Variants in ZGRF1 observed in about 807,000 individuals in gnomAD.
ZGRF1 encodes the protein zinc finger GRF-type containing 1.
ZGRF1 carries 196 observed loss-of-function variants against 203.5 expected under a neutral mutation model. The observed-to-expected ratio is 0.96, with a 90% confidence interval of 0.86 to 1.08. The LOEUF (loss-of-function observed/expected upper bound fraction) is 1.08. ZGRF1 is among the 50% of genes least tolerant of loss of function. The pLI, the probability that ZGRF1 is intolerant of heterozygous loss-of-function variation, is 0.00. For synonymous variants in ZGRF1, 809 were observed against 841.3 expected (o/e 0.96, Z 0.66); for missense variants, 2,326 against 2,416.3 (o/e 0.96, Z 0.78).
At position 112,617,895 on chromosome 4, in the gene ZGRF1, A is replaced by T; in HGVS notation, c.2147T>A (p.Leu716Ter). ...SEDAQPQPFI[L>*]GSDLDKNDEH... ...ATCATTTTTGTCTAAGTCACTTCCCAAAATAAAAGGCTGAGGTTGAGCATC... is the reference window on the plus strand; with the variant it reads ...ATCATTTTTGTCTAAGTCACTTCCCTAAATAAAAGGCTGAGGTTGAGCATC... The change falls in exon 6 of 28, where the codon TTG becomes TAG. Residue 716 changes from leucine (L) to a stop codon, truncating the protein, a stop_gained. Transcript: ENST00000505019. LOFTEE classifies it high-confidence loss of function. The T allele has an allele frequency of 6.2e-7, 1 of 1,613,954 alleles. No homozygotes were observed. Among genetic ancestry groups the T allele is most frequent in the Non-Finnish European group, 8.5e-7 (1 of 1,179,954 alleles).
chr4:112,582,202 GT>G (rs1458308501), intron 15 of ZGRF1, among the ~76,000 whole-genome samples: 2 of 151,672 alleles, frequency 1.3e-5, no homozygotes, highest in Non-Finnish European at 2.9e-5. Context: ...TCTTTTCTTT[GT>G]GTTGGGAACA....
rs750197445 is a variant in ZGRF1 at position 112,540,961 on chromosome 4, G to T, written c.5776-6C>A. 11 of 1,563,054 alleles carry T rather than the reference G, an allele frequency of 7.0e-6. No individual in the cohort carries two copies. The South Asian group carries it at 1.2e-4, about 17-fold the overall frequency. On this transcript the variant is annotated splice_region_variant and splice_polypyrimidine_tract_variant and intron_variant, in intron 25 of 27. Transcript: ENST00000505019. ...AAGCTGTTATCTCTTTCTATCTGGA[G>T]TAAGAAATAGATCCTAAATTATATT...
intron 6 of ZGRF1, among the ~76,000 whole-genome samples, chr4:112,614,714 C>G (rs927362241): frequency 2.6e-5 from 4 of 152,104 alleles, no homozygotes; most frequent in African/African-American, 9.7e-5. Flanking sequence ...GTAGTCCCAG[C>G]TATTTGGGAG....
At chr4:112,623,681 G>A (rs2047136092) in intron 4 of ZGRF1, 136 bp downstream of exon 4, 2 of 589,312 alleles carry the variant, frequency 3.4e-6, no homozygotes, top group Non-Finnish European at 6.0e-6. Flanking sequence ...AAAGGTTTTA[G>A]CACAAAGTCT....
rs768669229 is a variant in ZGRF1, at chr4:112,539,688, TC to T, written c.6173del (p.Gly2058GlufsTer16). The stretch of plus-strand genomic sequence containing the variant: ...TTGCATGTTGCAATCCATCTTCCCT[TC>T]CTTAAAAAAACATACGACATGAGAC... ...LWGRVIQHCE[G>X]REDGLQHANQ... On this transcript the variant is annotated frameshift_variant and splice_region_variant, in exon 28 of 28. Coordinates refer to ENST00000505019, the MANE Select transcript of ZGRF1 (RefSeq NM_018392.5). LOFTEE classifies it high-confidence loss of function. 6.3e-7 allele frequency: 1 copy of T among 1,591,076 alleles called. No homozygotes were observed. Among genetic ancestry groups the T allele is most frequent in the South Asian group, 1.2e-5 (1 of 86,522 alleles).
At chr4:112,612,837 A>G (rs1389917407) in intron 6 of ZGRF1, among the ~76,000 whole-genome samples, 2 of 152,188 alleles carry the variant, frequency 1.3e-5, no homozygotes, top group African/African-American at 4.8e-5. Flanking sequence ...TTCTAAGTCA[A>G]TAGTAGGAAT....
At chr4:112,602,765 T>C (rs1330517660) in intron 10 of ZGRF1, among the ~76,000 whole-genome samples, 2 of 152,214 alleles carry the variant, frequency 1.3e-5, no homozygotes, top group Non-Finnish European at 2.9e-5. Flanking sequence ...ATTGCAATAT[T>C]AAACAAAAGA....
In ZGRF1 at chr4:112,587,803, T is replaced by C. The variant is rs751256295; in HGVS notation, c.3254A>G (p.Tyr1085Cys). The C allele has an allele frequency of 2.6e-6, 4 of 1,552,136 alleles. No homozygotes were observed. In the South Asian group the frequency reaches 3.6e-5, roughly 14 times the overall value. Residue 1085 changes from tyrosine (Y) to cysteine (C), a missense_variant, in exon 12 of 28, where the codon TAT becomes TGT. Physicochemically the swap from Tyr to Cys is radical, Grantham distance 194. Transcript: ENST00000505019. The stretch of plus-strand genomic sequence containing the variant: ...CTCGTATGTGTTAGAGTTGATCATA[T>C]ACGAATGAGAGTCTAAGTCAGGTGG... ...DGPPDLDSHS[Y>C]MINSNTYESS...
Position 112,581,724 on chromosome 4 carries a change from T to C in ZGRF1, c.4377A>G (p.Glu1459=). 2 of 1,581,420 alleles carry C rather than the reference T, an allele frequency of 1.3e-6. No homozygotes were observed. Among genetic ancestry groups the C allele is most frequent in the Non-Finnish European group, 8.6e-7 (1 of 1,167,318 alleles). The change falls in exon 16 of 28, where the codon GAA becomes GAG. Residue 1459 remains glutamate, a synonymous_variant. Coordinates refer to ENST00000505019, the MANE Select transcript of ZGRF1 (RefSeq NM_018392.5). The part of the protein sequence containing the change: ...FTTVNPEFYN[E]PKTKLYLKLS... The stretch of plus-strand genomic sequence containing the variant: ...GCTTAAGATAAAGTTTGGTTTTTGG[T>C]TCATTATAAAACTCAGGATTTACAG...
chr4:112,585,479 G>T lies in ZGRF1; in HGVS notation c.4101+62C>A, dbSNP rs756567961. 222 of 1,310,964 alleles carry T rather than the reference G, an allele frequency of 1.7e-4. 1 individual carries two copies. Among genetic ancestry groups the T allele is most frequent in the Non-Finnish European group, 2.2e-4 (210 of 963,292 alleles). The allele number at this position is 1,310,964 out of a possible 1,614,324, so 81.2% of individuals were successfully genotyped here. A position where few individuals can be genotyped will look rare whatever the true frequency, so the allele number is the denominator to read the frequency against. ...TCTTTAAGCTTATCATGAAGTAATA[G>T]GTATCTAAACCCTTTATAAGACAAG... On this transcript the variant is annotated intron_variant, in intron 14 of 27. Coordinates refer to ENST00000505019, the MANE Select transcript of ZGRF1 (RefSeq NM_018392.5).
In ZGRF1 at chr4:112,613,574, T is replaced by G. The variant is rs183127909; in HGVS notation, c.2603-986A>C. On this transcript the variant is annotated intron_variant, in intron 6 of 27. Transcript: ENST00000505019. ...ACAGTGATATGATACAGAACGATTT[T>G]TGATACAGGAATTAGGAAAAGTTTC... Among the ~76,000 whole-genome samples the G allele has an allele frequency of 1.0e-3, 154 of 152,302 alleles. 2 individuals carry two copies. Among genetic ancestry groups the G allele is most frequent in the African/African-American group, 3.5e-3 (146 of 41,570 alleles).
intron 16 of ZGRF1, among the ~76,000 whole-genome samples, chr4:112,569,771 G>C (rs576073645): frequency 6.6e-6 from 1 of 152,136 alleles, no homozygotes; most frequent in Admixed American, 6.5e-5. Flanking sequence ...CTATTTACAA[G>C]TCACGTCTTT....
chr4:112,592,389 C>T (rs1467787161), intron 10 of ZGRF1, among the ~76,000 whole-genome samples: 2 of 152,146 alleles, frequency 1.3e-5, no homozygotes, highest in East Asian at 1.9e-4. Context: ...TCAGCCACCA[C>T]GCCAGGCCTC....
chr4:112,607,346 C>A lies in ZGRF1; in HGVS notation c.2719-1255G>T, dbSNP rs1236960406. Among the ~76,000 whole-genome samples the A allele has an allele frequency of 2.6e-5, 4 of 152,284 alleles. No homozygotes were observed. The East Asian group carries it at 7.7e-4, about 29-fold the overall frequency. ...TTGGAGTCTCACTGTATTGCCCACACTGATCTCAAACTCCTGGCCTCAAAT... is the reference window on the plus strand; with the variant it reads ...TTGGAGTCTCACTGTATTGCCCACAATGATCTCAAACTCCTGGCCTCAAAT... On this transcript the variant is annotated intron_variant, in intron 8 of 27. Coordinates refer to ENST00000505019, the MANE Select transcript of ZGRF1 (RefSeq NM_018392.5).
In ZGRF1 at chr4:112,539,689, C is replaced by G; in HGVS notation, c.6173G>C (p.Gly2058Ala). The G allele has an allele frequency of 6.3e-7, 1 of 1,590,532 alleles. No individual in the cohort carries two copies. The highest frequency in any genetic ancestry group is 1.7e-4 in the Middle Eastern group (1 of 5,930). Reference protein sequence around the residue: ...LWGRVIQHCEGREDGLQHANQ... With the variant: ...LWGRVIQHCEAREDGLQHANQ... ...TGCATGTTGCAATCCATCTTCCCTT[C>G]CTTAAAAAAACATACGACATGAGAC... is the stretch of plus-strand genomic sequence containing the variant. Residue 2058 changes from glycine (G) to alanine (A), a missense_variant and splice_region_variant, in exon 28 of 28, where the codon GGA becomes GCA. By Grantham distance (60) the Gly-to-Ala change is moderately conservative. Transcript: ENST00000505019.
intron 15 of ZGRF1, 33 bp downstream of exon 15, chr4:112,583,945 T>A: frequency 7.2e-7 from 1 of 1,388,162 alleles, no homozygotes; most frequent in Non-Finnish European, 9.9e-7. Context: ...TCTTATATAA[T>A]CACAGGCAAT....
At chr4:112,552,539 C>T (rs1740166169) in intron 22 of ZGRF1, among the ~76,000 whole-genome samples, 1 of 152,060 alleles carries the variant, frequency 6.6e-6, no homozygotes, top group Non-Finnish European at 1.5e-5. Context: ...AAGTAGTTTA[C>T]ATAAATGACT....
rs2047018292 is a variant in ZGRF1, at chr4:112,620,177, T to C, written c.176A>G (p.Asp59Gly). 6.3e-7 allele frequency: 1 copy of C among 1,599,038 alleles called. No homozygotes were observed. Among genetic ancestry groups the C allele is most frequent in the Admixed American group, 1.8e-5 (1 of 55,734 alleles). Residue 59 changes from aspartate (D) to glycine (G), a missense_variant, in exon 5 of 28, where the codon GAT (aspartate) becomes GGT (glycine). Transcript: ENST00000505019. ...FLKCLEVKPG[D>G]DLESDRYLIT... is the part of the protein sequence containing the mutation. ...TAAGTATCGATCACTTTCTAAGTCATCTCCAGGTTTCACCTGAAAGAATAA... is the reference window on the plus strand; with the variant it reads ...TAAGTATCGATCACTTTCTAAGTCACCTCCAGGTTTCACCTGAAAGAATAA...
intron 4 of ZGRF1, 100 bp downstream of exon 4, chr4:112,623,717 T>G (rs1482747923): frequency 1.5e-6 from 1 of 657,386 alleles, no homozygotes; most frequent in Non-Finnish European, 2.7e-6. Context: ...CAAATACTAT[T>G]AGTATTAATA....
Sources: allele counts gnomAD v4.1 joint callset (sites outside exome capture counted in the v4.1 genomes callset), GRCh38; gene constraint gnomAD v4.1.1; transcripts MANE v1.5; gene names NCBI Gene and HGNC (gene_info 2026-07-23, HGNC 2026-07-21).